MSRA: variants seen among roughly 807,000 people sequenced by gnomAD.
MSRA encodes mitochondrial peptide methionine sulfoxide reductase.
Under a neutral mutation model 31.3 loss-of-function variants are expected in MSRA, and 54 were observed. The observed-to-expected ratio is 1.73, with a 90% CI of 1.39 to 2.17. The LOEUF (loss-of-function observed/expected upper bound fraction) is 2.17, where lower values mean the gene tolerates loss of function less well. MSRA is among the 30% of genes most tolerant of loss of function. MSRA has a pLI of 0.00. For missense variants in MSRA, 507 were observed against 300.9 expected, an observed-to-expected ratio of 1.69 and a Z score of -5.07; for synonymous variants, 169 against 116.5, an observed-to-expected ratio of 1.45 and a Z score of -2.90.
At chr8:10,201,998 C>G (rs1447010492) in intron 1 of MSRA, among the ~76,000 whole-genome samples, 1 of 152,222 alleles carries the variant, frequency 6.6e-6, no homozygotes, top group African/African-American at 2.4e-5. Flanking sequence ...AACAGATGTC[C>G]CTGTTGGAGA....
At chr8:10,215,594 T>C (rs1809920547) in intron 2 of MSRA, among the ~76,000 whole-genome samples, 1 of 152,182 alleles carries the variant, frequency 6.6e-6, no homozygotes, top group Non-Finnish European at 1.5e-5. Context: ...TTTTGAAGGA[T>C]AACAGACAGC....
intron 3 of MSRA, among the ~76,000 whole-genome samples, chr8:10,289,332 G>T (rs1040523891): frequency 1.3e-5 from 2 of 151,896 alleles, no homozygotes; most frequent in Non-Finnish European, 2.9e-5. Context: ...ATTTTTGTGT[G>T]TACATAGTAG....
chr8:10,093,106 A>G (rs1242698200), intron 1 of MSRA, among the ~76,000 whole-genome samples: 1 of 152,160 alleles, frequency 6.6e-6, no homozygotes, highest in Admixed American at 6.5e-5. Context: ...TAGACAGCAT[A>G]TAGTTGAATT....
chr8:10,341,391 C>G (rs1377711081), intron 5 of MSRA, among the ~76,000 whole-genome samples: 2 of 152,104 alleles, frequency 1.3e-5, no homozygotes, highest in African/African-American at 4.8e-5. Flanking sequence ...GACCAGATCT[C>G]CTGTGCACTT....
intron 5 of MSRA, among the ~76,000 whole-genome samples, chr8:10,407,693 A>G (rs1807903153): frequency 6.6e-6 from 1 of 152,170 alleles, no homozygotes; most frequent in Non-Finnish European, 1.5e-5. Context: ...GCAAGAGAAG[A>G]GAAGACTCTG....
At chr8:10,130,334 C>A (rs1801807542) in intron 1 of MSRA, among the ~76,000 whole-genome samples, 1 of 152,174 alleles carries the variant, frequency 6.6e-6, no homozygotes, top group Non-Finnish European at 1.5e-5. Flanking sequence ...CTTCCCTGTG[C>A]CCCGACTAAT....
intron 1 of MSRA, among the ~76,000 whole-genome samples, chr8:10,148,514 G>A (rs908116143): frequency 4.1e-4 from 63 of 151,972 alleles, no homozygotes; most frequent in African/African-American, 1.5e-3. Context: ...AGGCATGGTG[G>A]TGCACATCTG....
At chr8:10,303,012 ACAGC>A (rs1162967439) in intron 4 of MSRA, among the ~76,000 whole-genome samples, 1 of 152,224 alleles carries the variant, frequency 6.6e-6, no homozygotes, top group Non-Finnish European at 1.5e-5. Context: ...CAGGGTGGTG[ACAGC>A]CAGTCGCTCC....
chr8:10,315,922 C>A (rs1801686467), intron 4 of MSRA, among the ~76,000 whole-genome samples: 1 of 152,212 alleles, frequency 6.6e-6, no homozygotes, highest in Non-Finnish European at 1.5e-5. Context: ...ACAAAATTCA[C>A]ACTATGATAA....
chr8:10,273,049 C>T (rs946095239), intron 3 of MSRA, among the ~76,000 whole-genome samples: 2 of 152,148 alleles, frequency 1.3e-5, no homozygotes, highest in Non-Finnish European at 2.9e-5. Flanking sequence ...CGTGTAACAG[C>T]AGCAAAATAA....
At chr8:10,069,959 ATGTT>A (rs1370767408) in intron 1 of MSRA, among the ~76,000 whole-genome samples, 2 of 152,218 alleles carry the variant, frequency 1.3e-5, no homozygotes, top group African/African-American at 4.8e-5. Flanking sequence ...AAATATTGAT[ATGTT>A]TGTTAATCAC....
At chr8:10,124,527 T>C (rs930471266) in intron 1 of MSRA, among the ~76,000 whole-genome samples, 2 of 152,278 alleles carry the variant, frequency 1.3e-5, no homozygotes, top group Admixed American at 6.5e-5. Context: ...GGTGCCATAA[T>C]TGGAGCTAGG....
intron 1 of MSRA, among the ~76,000 whole-genome samples, chr8:10,170,024 C>T (rs1805462819): frequency 1.4e-5 from 2 of 147,320 alleles, no homozygotes; most frequent in South Asian, 4.3e-4. Flanking sequence ...CAAGTGTCTA[C>T]CACTACGCCT....
At chr8:10,406,794 A>C (rs1807845165) in intron 5 of MSRA, among the ~76,000 whole-genome samples, 1 of 152,210 alleles carries the variant, frequency 6.6e-6, no homozygotes, top group Non-Finnish European at 1.5e-5. Context: ...CCCACTTTCT[A>C]GGCCCTAGGA....
chr8:10,088,230 G>C (rs760333608), intron 1 of MSRA, among the ~76,000 whole-genome samples: 2 of 152,130 alleles, frequency 1.3e-5, no homozygotes, highest in Non-Finnish European at 2.9e-5. Flanking sequence ...GTTCACTGTT[G>C]GTGGGAATGT....
chr8:10,335,890 G>A (rs1191674189), intron 5 of MSRA, among the ~76,000 whole-genome samples: 3 of 152,176 alleles, frequency 2.0e-5, no homozygotes, highest in South Asian at 2.1e-4. Context: ...TCCAGGAGAA[G>A]CAGCTGGTAA....
At chr8:10,372,422 C>T (rs1202322935) in intron 5 of MSRA, among the ~76,000 whole-genome samples, 3 of 152,168 alleles carry the variant, frequency 2.0e-5, no homozygotes, top group South Asian at 2.1e-4. Context: ...ATAAAATGCT[C>T]GTGCATATAT....
At chr8:10,428,030 C>T in intron 5 of MSRA, 118 bp from the exon 6 acceptor site, 1 of 1,076,334 alleles carries the variant, frequency 9.3e-7, no homozygotes, top group South Asian at 1.7e-5. Context: ...TAAAGGGGAC[C>T]CACTGCACAT....
At chr8:10,097,357 C>T (rs1461611991) in intron 1 of MSRA, among the ~76,000 whole-genome samples, 1 of 152,136 alleles carries the variant, frequency 6.6e-6, no homozygotes, top group African/African-American at 2.4e-5. Context: ...GTCGCTGATA[C>T]TCCTAAAATG....
Sources: allele counts gnomAD v4.1 joint callset (sites outside exome capture counted in the v4.1 genomes callset), GRCh38; gene constraint gnomAD v4.1.1; transcripts MANE v1.5; gene names NCBI Gene and HGNC (gene_info 2026-07-23, HGNC 2026-07-21).